The following ARHGAP42 variants were observed in gnomAD, a reference collection of about 807,000 sequenced individuals.
ARHGAP42 encodes rho GTPase-activating protein 42.
In ARHGAP42, 63 loss-of-function variants were observed where a neutral mutation model predicts 125.0. The observed-to-expected ratio is 0.50, with a 90% CI of 0.41 to 0.62. ARHGAP42 has a LOEUF of 0.62. ARHGAP42 is among the 20% of genes least tolerant of loss of function. The pLI, the probability that ARHGAP42 is intolerant of heterozygous loss-of-function variation, is 0.00. For missense variants in ARHGAP42, 766 were observed against 1,024.2 expected (o/e 0.75, Z 3.44); for synonymous variants, 339 against 351.0 (o/e 0.97, Z 0.38).
chr11:100,904,886 G>T (rs1866677825), intron 4 of ARHGAP42, among the ~76,000 whole-genome samples: 1 of 152,194 alleles, frequency 6.6e-6, no homozygotes, highest in Admixed American at 6.5e-5. Context: ...TTTATGTGGA[G>T]TTCTGGTATG....
At chr11:100,888,451 G>T (rs1452715539) in intron 4 of ARHGAP42, among the ~76,000 whole-genome samples, 1 of 152,102 alleles carries the variant, frequency 6.6e-6, no homozygotes, top group African/African-American at 2.4e-5. Context: ...ATGGGGATGT[G>T]TATGTGGGCT....
intron 3 of ARHGAP42, among the ~76,000 whole-genome samples, chr11:100,801,570 CCTT>C (rs1374641694): frequency 2.0e-5 from 3 of 152,114 alleles, no homozygotes; most frequent in Admixed American, 1.3e-4. Flanking sequence ...CCTCTTGTCT[CCTT>C]CTAACTTTAA....
chr11:100,691,761 C>A (rs886982277), intron 1 of ARHGAP42, among the ~76,000 whole-genome samples: 3 of 152,024 alleles, frequency 2.0e-5, no homozygotes, highest in Admixed American at 6.6e-5. Context: ...TGGGTTCAAG[C>A]GATCTGCCTG....
rs1862318802 is a variant in ARHGAP42, at chr11:100,746,845, A to T, written c.155-23498A>T. ...GGGTAAGGAAAGGAAAGGAAAAGAG[A>T]GGTAGACTAAGCTTTCCTTAGCTCT... On this transcript the variant is annotated intron_variant, in intron 1 of 23. Transcript: ENST00000298815. Among the ~76,000 whole-genome samples, 3 of 152,192 alleles carry T rather than the reference A, an allele frequency of 2.0e-5. No individual in the cohort carries two copies. In the South Asian group the frequency reaches 6.2e-4, roughly 31 times the overall value.
At chr11:100,722,669 G>T (rs759897185) in intron 1 of ARHGAP42, among the ~76,000 whole-genome samples, 1 of 152,142 alleles carries the variant, frequency 6.6e-6, no homozygotes, top group African/African-American at 2.4e-5. Flanking sequence ...GATTACAGGC[G>T]CAAGCCACCG....
intron 1 of ARHGAP42, among the ~76,000 whole-genome samples, chr11:100,689,989 TG>T (rs1861159482): frequency 6.6e-6 from 1 of 152,128 alleles, no homozygotes; most frequent in East Asian, 1.9e-4. Context: ...GAAGCCTGCT[TG>T]GTTCTATCAC....
intron 2 of ARHGAP42, among the ~76,000 whole-genome samples, chr11:100,780,558 G>A (rs927940322): frequency 7.2e-5 from 11 of 152,214 alleles, no homozygotes; most frequent in Admixed American, 2.6e-4. Context: ...ATGGTGGAGC[G>A]TTATTGAAGA....
chr11:100,778,929 T>C (rs1311264863), intron 2 of ARHGAP42, among the ~76,000 whole-genome samples: 1 of 152,164 alleles, frequency 6.6e-6, no homozygotes, highest in African/African-American at 2.4e-5. Flanking sequence ...GCCCAGTCTT[T>C]TGTACAGAGG....
chr11:100,956,728 G>A (rs1005193265), intron 12 of ARHGAP42, among the ~76,000 whole-genome samples: 1 of 152,110 alleles, frequency 6.6e-6, no homozygotes, highest in African/African-American at 2.4e-5. Context: ...AGCACATAGG[G>A]ACATTTCTTA....
intron 1 of ARHGAP42, among the ~76,000 whole-genome samples, chr11:100,735,319 A>C (rs1174028715): frequency 1.3e-5 from 2 of 152,204 alleles, no homozygotes; most frequent in Non-Finnish European, 2.9e-5. Flanking sequence ...TTGTGAGTGG[A>C]ATCCCCCTTA....
intron 4 of ARHGAP42, among the ~76,000 whole-genome samples, chr11:100,891,252 C>T (rs2135192127): frequency 1.3e-5 from 2 of 152,242 alleles, no homozygotes; most frequent in Middle Eastern, 6.8e-3. Flanking sequence ...TGGCCCGTAG[C>T]AAGCTCCTAA....
At chr11:100,711,036 C>T (rs1861557711) in intron 1 of ARHGAP42, among the ~76,000 whole-genome samples, 1 of 152,186 alleles carries the variant, frequency 6.6e-6, no homozygotes, top group Admixed American at 6.5e-5. Context: ...GCCATGTACA[C>T]ATTTGTTTTA....
intron 1 of ARHGAP42, among the ~76,000 whole-genome samples, chr11:100,733,954 A>G (rs1408165404): frequency 9.5e-6 from 1 of 104,714 alleles, no homozygotes; most frequent in South Asian, 3.6e-4. Flanking sequence ...TTTTTTTTTT[A>G]AATGGAGTCT....
chr11:100,796,830 C>A (rs1329555899), intron 3 of ARHGAP42, among the ~76,000 whole-genome samples: 1 of 144,254 alleles, frequency 6.9e-6, no homozygotes, highest in South Asian at 2.2e-4. Flanking sequence ...AGTGCAGTGG[C>A]GCGATCTTTG....
At chr11:100,858,086 GGTGT>G (rs201861404) in intron 3 of ARHGAP42, among the ~76,000 whole-genome samples, 5,549 of 108,954 alleles carry the variant, frequency 0.051, 225 homozygotes, top group African/African-American at 0.12. Context: ...TCTGGATAGG[GGTGT>G]GTGTGTGTGT....
intron 3 of ARHGAP42, among the ~76,000 whole-genome samples, chr11:100,817,196 C>G (rs542442950): frequency 6.6e-6 from 1 of 152,158 alleles, no homozygotes; most frequent in Non-Finnish European, 1.5e-5. Flanking sequence ...GGATATTTAG[C>G]GGCATCCCTG....
intron 4 of ARHGAP42, among the ~76,000 whole-genome samples, chr11:100,872,826 A>G (rs564626330): frequency 1.3e-4 from 20 of 152,304 alleles, no homozygotes; most frequent in African/African-American, 3.8e-4. Context: ...ATTCGATTCA[A>G]TGGTGTTGAT....
intron 1 of ARHGAP42, among the ~76,000 whole-genome samples, chr11:100,705,367 G>A (rs1387060591): frequency 6.6e-6 from 1 of 152,186 alleles, no homozygotes; most frequent in African/African-American, 2.4e-5. Context: ...AGTGAGCTTT[G>A]GAGTCAGAGA....
chr11:100,952,045 A>G (rs924918478), intron 12 of ARHGAP42, among the ~76,000 whole-genome samples: 3 of 152,210 alleles, frequency 2.0e-5, no homozygotes, highest in African/African-American at 7.2e-5. Context: ...ACAAGCTTCT[A>G]CTTTAGTGCT....
Sources: allele counts gnomAD v4.1 joint callset (sites outside exome capture counted in the v4.1 genomes callset), GRCh38; gene constraint gnomAD v4.1.1; transcripts MANE v1.5; gene names NCBI Gene and HGNC (gene_info 2026-07-23, HGNC 2026-07-21).